Variants in HDAC4 observed in about 807,000 individuals in gnomAD.
HDAC4 encodes histone deacetylase A.
Under a neutral mutation model 135.1 loss-of-function variants are expected in HDAC4, and 16 were observed. The ratio of observed to expected loss-of-function variants is 0.12; its 90% CI spans 0.08 to 0.18. The LOEUF is 0.18. Among genes scored for constraint, HDAC4 ranks in the 10% least tolerant of loss-of-function variants. HDAC4 has a pLI of 1.00. For missense variants in HDAC4, 1,143 were observed against 1,511.8 expected, an observed-to-expected ratio of 0.76 and a Z score of 4.05; for synonymous variants, 685 against 653.4, an observed-to-expected ratio of 1.05 and a Z score of -0.74.
chr2:239,068,479 A>T lies in HDAC4; in HGVS notation c.2869+10T>A. On this transcript the variant is annotated intron_variant, in intron 23 of 26. Coordinates refer to ENST00000543185, the MANE Select transcript of HDAC4 (RefSeq NM_001378414.1). This position sits in a 1 kb window ranked among gnomAD's most constrained non-coding sequence, Gnocchi z 4.4. The stretch of plus-strand genomic sequence containing the variant: ...GAACCGGCTCCTCAGTCATATGCAG[A>T]ACCACTTACATCTGGCGGAGAGGTT... 1 of 1,595,008 alleles carries T rather than the reference A, an allele frequency of 6.3e-7. No homozygotes were observed. Among genetic ancestry groups the T allele is most frequent in the Non-Finnish European group, 8.6e-7 (1 of 1,162,730 alleles).
At chr2:239,083,664 T>A (rs1460531409) in intron 20 of HDAC4, among the ~76,000 whole-genome samples, 3 of 152,160 alleles carry the variant, frequency 2.0e-5, no homozygotes, top group African/African-American at 7.2e-5. Context: ...GGACATCATA[T>A]AGCATTATTT....
At chr2:239,379,010 G>A (rs1195973184) in intron 1 of HDAC4, among the ~76,000 whole-genome samples, 1 of 152,210 alleles carries the variant, frequency 6.6e-6, no homozygotes, top group Admixed American at 6.5e-5. Flanking sequence ...AGAATCTTCA[G>A]TGTCAGCCGC....
intron 24 of HDAC4, among the ~76,000 whole-genome samples, chr2:239,056,405 A>G (rs1296699140): frequency 1.2e-4 from 19 of 152,242 alleles, no homozygotes; most frequent in Admixed American, 1.2e-3. Context: ...CTGGGAAATC[A>G]GGACGTGCCT....
At chr2:239,120,400 C>CACAG (rs1553622807) in intron 12 of HDAC4, among the ~76,000 whole-genome samples, 78 of 129,586 alleles carry the variant, frequency 6.0e-4, no homozygotes, top group East Asian at 5.0e-3. Flanking sequence ...CAGACGCACA[C>CACAG]AGACACACAC....
intron 3 of HDAC4, among the ~76,000 whole-genome samples, chr2:239,226,749 C>T (rs1159142001): frequency 6.6e-6 from 1 of 152,216 alleles, no homozygotes; most frequent in Admixed American, 6.5e-5. Flanking sequence ...GCCTCAGGCA[C>T]TGCGGACAGG....
intron 1 of HDAC4, among the ~76,000 whole-genome samples, chr2:239,395,099 A>AG (rs1696471535): frequency 6.6e-6 from 1 of 152,222 alleles, no homozygotes; most frequent in Admixed American, 6.5e-5. Flanking sequence ...ATTCCAAGGA[A>AG]GGGGAACAGT....
Position 239,134,309 on chromosome 2 carries a change from G to T in HDAC4, c.1230C>A (p.His410Gln), listed in dbSNP as rs749270315. 6.2e-7 allele frequency: 1 copy of T among 1,613,738 alleles called. No homozygotes were observed. Among genetic ancestry groups the T allele is most frequent in the African/African-American group, 1.3e-5 (1 of 75,064 alleles). ...SPLERDGGAA[H>Q]SPLLQHMVLL... ...AGACCATGTGCTGCAGAAGAGGGCTGTGCGCTGCCCCTCCGTCCCGCTCCA... is the reference window on the plus strand; with the variant it reads ...AGACCATGTGCTGCAGAAGAGGGCTTTGCGCTGCCCCTCCGTCCCGCTCCA... The change falls in exon 11 of 27, where the codon CAC (histidine) becomes CAA (glutamine). Residue 410 changes from histidine to glutamine, a missense_variant. Physicochemically the swap from His to Gln is conservative, Grantham distance 24 (BLOSUM62 0). Coordinates refer to ENST00000543185, the MANE Select transcript of HDAC4 (RefSeq NM_001378414.1).
intron 2 of HDAC4, among the ~76,000 whole-genome samples, chr2:239,347,882 C>G (rs1692826631): frequency 6.6e-6 from 1 of 152,230 alleles, no homozygotes; most frequent in African/African-American, 2.4e-5. Context: ...AGAGGATGCT[C>G]AAGTTACCGA....
chr2:239,207,771 G>A (rs1042410822), intron 3 of HDAC4, among the ~76,000 whole-genome samples: 2 of 152,146 alleles, frequency 1.3e-5, no homozygotes, highest in African/African-American at 4.8e-5. Context: ...CGACAGCCAC[G>A]TTTCAACTAA....
At chr2:239,116,898 T>C (rs1196677288) in intron 12 of HDAC4, among the ~76,000 whole-genome samples, 1 of 152,208 alleles carries the variant, frequency 6.6e-6, no homozygotes, top group Non-Finnish European at 1.5e-5. Flanking sequence ...GGTCAGCTGA[T>C]CTTCCTGATA....
intron 4 of HDAC4, among the ~76,000 whole-genome samples, chr2:239,180,758 C>T (rs1452809728): frequency 6.6e-6 from 1 of 152,232 alleles, no homozygotes; most frequent in Non-Finnish European, 1.5e-5. Flanking sequence ...TGCTGGGCCG[C>T]TGCCCCCCAT....
In HDAC4 at chr2:239,163,707, C is replaced by A. The variant is rs11124182; in HGVS notation, c.611+96G>T. The A allele has an allele frequency of 0.87, 1,110,212 of 1,270,424 alleles. 486,221 individuals are homozygous for A. Among genetic ancestry groups the A allele is most frequent in the African/African-American group, 0.97 (66,159 of 68,008 alleles). 78.7% of individuals were successfully genotyped at this position (1,270,424 alleles called of 1,614,324 possible). A position where few individuals can be genotyped will look rare whatever the true frequency, so the allele number is the denominator to read the frequency against. ...ATTCCTCACCCTCCTTCCCTGCCTC[C>A]GGTGAAGAGCTGGCTCCATGCAAAT... is the stretch of plus-strand genomic sequence containing the variant. On this transcript the variant is annotated intron_variant, in intron 6 of 26. Coordinates refer to ENST00000543185, the MANE Select transcript of HDAC4 (RefSeq NM_001378414.1).
intron 2 of HDAC4, among the ~76,000 whole-genome samples, chr2:239,253,072 G>A (rs950846190): frequency 2.0e-5 from 3 of 152,190 alleles, no homozygotes; most frequent in African/African-American, 4.8e-5. Context: ...CACTTCATAC[G>A]CGGCATTAAG....
intron 4 of HDAC4, among the ~76,000 whole-genome samples, chr2:239,181,828 T>G (rs2044172481): frequency 6.6e-6 from 1 of 152,178 alleles, no homozygotes; most frequent in South Asian, 2.1e-4. Flanking sequence ...GGGAGAACAC[T>G]CAGAAGAGCT....
intron 22 of HDAC4, among the ~76,000 whole-genome samples, chr2:239,074,872 C>T (rs1356413184): frequency 6.6e-6 from 1 of 152,082 alleles, no homozygotes; most frequent in African/African-American, 2.4e-5. Context: ...TTAATAGATG[C>T]TGCAAAAAAT....
At chr2:239,236,033 C>T (rs1435556803) in intron 3 of HDAC4, among the ~76,000 whole-genome samples, 1 of 152,202 alleles carries the variant, frequency 6.6e-6, no homozygotes, top group African/African-American at 2.4e-5. Flanking sequence ...GAGTGAGATT[C>T]CGTCTCCAAA....
chr2:239,065,567 C>T (rs1309139883), intron 24 of HDAC4, among the ~76,000 whole-genome samples: 2 of 152,214 alleles, frequency 1.3e-5, no homozygotes, highest in Non-Finnish European at 2.9e-5. Context: ...AGGACACCCC[C>T]ACTAAAGTGC....
chr2:239,140,150 C>T (rs2041261312), intron 8 of HDAC4, among the ~76,000 whole-genome samples: 1 of 152,178 alleles, frequency 6.6e-6, no homozygotes, highest in African/African-American at 2.4e-5. Context: ...CTTTGAAAAG[C>T]AAAAGGTCAG....
intron 3 of HDAC4, among the ~76,000 whole-genome samples, chr2:239,205,804 C>T (rs886415519): frequency 5.9e-5 from 9 of 152,028 alleles, no homozygotes; most frequent in South Asian, 2.1e-4. Context: ...TAGTAGAGAA[C>T]GGCAAGAGGT....
Sources: allele counts gnomAD v4.1 joint callset (sites outside exome capture counted in the v4.1 genomes callset), GRCh38; gene constraint gnomAD v4.1.1; non-coding constraint Gnocchi (gnomAD v3.1); transcripts MANE v1.5; gene names NCBI Gene and HGNC (gene_info 2026-07-23, HGNC 2026-07-21).